Variants in PLS3 observed in about 807,000 individuals in gnomAD.
PLS3 encodes the protein plastin 3, also known as plastin-3.
In PLS3, 11 loss-of-function variants were observed where a neutral mutation model predicts 46.5. The ratio of observed to expected loss-of-function variants is 0.24; its 90% CI spans 0.15 to 0.39. The LOEUF (loss-of-function observed/expected upper bound fraction) is 0.39, where lower values mean the gene tolerates loss of function less well. PLS3 is among the 10% of genes least tolerant of loss of function. The pLI, the probability that PLS3 is intolerant of heterozygous loss-of-function variation, is 1.00. For synonymous variants in PLS3, 167 were observed against 162.2 expected, an observed-to-expected ratio of 1.03 and a Z score of -0.22; for missense variants, 308 against 461.8, an observed-to-expected ratio of 0.67 and a Z score of 3.05.
chrX:115,568,280 T>C (rs1405866030), intron 1 of PLS3, among the ~76,000 whole-genome samples: 2 of 111,942 alleles, frequency 1.8e-5, no homozygotes, highest in East Asian at 5.6e-4. Flanking sequence ...TGGGAAAGTG[T>C]CTTGTGTAGT....
intron 2 of PLS3, among the ~76,000 whole-genome samples, chrX:115,621,699 T>C (rs1345619062): frequency 3.6e-5 from 4 of 112,107 alleles, no homozygotes; most frequent in Admixed American, 2.9e-4. Flanking sequence ...CAGTAGTGCA[T>C]TTATTTTTAT....
At position 115,622,221 on chromosome X, in the gene PLS3, T is replaced by A. The variant is rs370195846; in HGVS notation, c.74-25T>A. 8.5e-6 allele frequency: 10 copies of A among 1,174,379 alleles called. No individual in the cohort carries two copies. In the Middle Eastern group the frequency reaches 7.0e-4, roughly 83 times the overall value. ...CTGTCTTTCAATTTTTTTTCCTTTT[T>A]TGCTTGCTCTCCTTTTTTACAAAGA... On this transcript the variant is annotated intron_variant, in intron 2 of 15. Coordinates refer to ENST00000355899, the MANE Select transcript of PLS3 (RefSeq NM_005032.7).
intron 1 of PLS3, among the ~76,000 whole-genome samples, chrX:115,569,879 GCA>G (rs2074202056): frequency 9.0e-6 from 1 of 111,723 alleles, no homozygotes; most frequent in Non-Finnish European, 1.9e-5. Context: ...ATGCTATGTT[GCA>G]CAGTCAGAAT....
intron 8 of PLS3, among the ~76,000 whole-genome samples, chrX:115,639,004 G>A (rs1288729208): frequency 3.6e-5 from 4 of 111,413 alleles, no homozygotes; most frequent in Admixed American, 1.9e-4. Context: ...ATGAGTCACC[G>A]CCCCCGGCCA....
intron 1 of PLS3, among the ~76,000 whole-genome samples, chrX:115,583,233 G>A (rs1484874619): frequency 8.9e-6 from 1 of 112,081 alleles, no homozygotes; most frequent in Admixed American, 9.5e-5. Context: ...AATACCAAAA[G>A]TATACACATG....
chrX:115,632,521 T>G (rs1247963880), intron 5 of PLS3, among the ~76,000 whole-genome samples: 1 of 111,113 alleles, frequency 9.0e-6, no homozygotes, highest in African/African-American at 3.3e-5. Context: ...TTTTACCAAA[T>G]GAGATTTTTC....
chrX:115,615,492 A>G (rs1475627773), intron 2 of PLS3, among the ~76,000 whole-genome samples: 13 of 85,231 alleles, frequency 1.5e-4, no homozygotes, highest in African/African-American at 7.0e-4. Context: ...GTCATCAGAG[A>G]GAGAGAGAGA....
chrX:115,620,499 C>T (rs1421530553), intron 2 of PLS3, among the ~76,000 whole-genome samples: 2 of 109,523 alleles, frequency 1.8e-5, no homozygotes, highest in Non-Finnish European at 3.8e-5. Flanking sequence ...GGTTACTCAA[C>T]TTCAGCACAA....
chrX:115,643,522 T>C lies in PLS3; in HGVS notation c.1183+14T>C, dbSNP rs1222814190. 21 of 1,023,550 alleles carry C rather than the reference T, an allele frequency of 2.1e-5. No individual in the cohort carries two copies. Among genetic ancestry groups the C allele is most frequent in the Non-Finnish European group, 2.5e-5 (18 of 727,977 alleles). 84.4% of individuals were successfully genotyped at this position (1,023,550 alleles called of 1,213,427 possible). ...CTCTATTAGAAGGTAACTAAAAACC[T>C]CAATTTCGAATGTGTGGGACTATAG... On this transcript the variant is annotated intron_variant, in intron 10 of 15. Coordinates refer to ENST00000355899, the MANE Select transcript of PLS3 (RefSeq NM_005032.7).
intron 1 of PLS3, among the ~76,000 whole-genome samples, chrX:115,570,816 G>A (rs191736359): frequency 9.2e-6 from 1 of 109,073 alleles, no homozygotes; most frequent in East Asian, 2.9e-4. Context: ...CATTGTGAAT[G>A]TGAAGGATTC....
intron 1 of PLS3, among the ~76,000 whole-genome samples, chrX:115,585,537 C>A (rs1357938297): frequency 3.7e-5 from 4 of 109,416 alleles, no homozygotes; most frequent in Non-Finnish European, 5.7e-5. Flanking sequence ...ATTACAGGCA[C>A]CCGCCACCAC....
At chrX:115,641,197 C>T (rs1209768961) in intron 9 of PLS3, among the ~76,000 whole-genome samples, 4 of 106,598 alleles carry the variant, frequency 3.8e-5, no homozygotes, top group Non-Finnish European at 7.7e-5. Flanking sequence ...GAGTGGATTA[C>T]ATTGGCTAAA....
chrX:115,624,311 G>A (rs2074689530), intron 3 of PLS3: 1 of 104,390 alleles, frequency 9.6e-6, no homozygotes, highest in Non-Finnish European at 1.9e-5. Context: ...TTGAAATACT[G>A]ATTTCCTCCC....
At position 115,566,477 on chromosome X, in the gene PLS3, C is replaced by T. The variant is rs956271044; in HGVS notation, c.-9+5217C>T. ...GATCTCGGCTCACTGCAAGCTCCTC[C>T]TCCCGGGTTCAGGCCATTCTCCTGC... is the stretch of plus-strand genomic sequence containing the variant. On this transcript the variant is annotated intron_variant, in intron 1 of 15. Transcript: ENST00000355899. 4.6e-5 allele frequency among the ~76,000 whole-genome samples: 5 copies of T among 108,904 alleles called. No homozygotes were observed. The East Asian group carries it at 1.2e-3, about 26-fold the overall frequency. 94.6% of individuals were successfully genotyped at this position (108,904 alleles called of 115,157 possible).
chrX:115,627,064 G>C (rs1239795468), intron 3 of PLS3, among the ~76,000 whole-genome samples: 2 of 109,721 alleles, frequency 1.8e-5, no homozygotes, highest in African/African-American at 6.6e-5. Context: ...GGCCAGGCTG[G>C]TCTTGAACTC....
intron 1 of PLS3, among the ~76,000 whole-genome samples, chrX:115,584,302 G>A (rs2074295323): frequency 8.9e-6 from 1 of 111,888 alleles, no homozygotes; most frequent in African/African-American, 3.2e-5. Context: ...GCCAGGCACT[G>A]TTCTATAAGC....
intron 1 of PLS3, among the ~76,000 whole-genome samples, chrX:115,566,027 C>G (rs1402328500): frequency 8.9e-6 from 1 of 112,233 alleles, no homozygotes; most frequent in East Asian, 2.8e-4. Flanking sequence ...CTGGGTTTCA[C>G]TTTATTTTTA....
chrX:115,640,225 G>T, intron 8 of PLS3, 183 bp from the exon 9 acceptor site: 2 of 711,049 alleles, frequency 2.8e-6, no homozygotes, highest in Non-Finnish European at 4.3e-6. Context: ...TCATCCATAT[G>T]CAAGACAGAT....
At position 115,597,457 on chromosome X, in the gene PLS3, A is replaced by G. The variant is rs955556957; in HGVS notation, c.-8-12786A>G. Among the ~76,000 whole-genome samples, 53 of 111,812 alleles carry G rather than the reference A, an allele frequency of 4.7e-4. No individual in the cohort carries two copies. In the Admixed American group the frequency reaches 5.0e-3, roughly 11 times the overall value. On this transcript the variant is annotated intron_variant, in intron 1 of 15. Coordinates refer to ENST00000355899, the MANE Select transcript of PLS3 (RefSeq NM_005032.7). Reference sequence around the variant, plus strand: ...AGGTTTTAGATATATCCAAGGCCGAATTATAGTTATTAGGTAGGCAGCTAC... The same window carrying G: ...AGGTTTTAGATATATCCAAGGCCGAGTTATAGTTATTAGGTAGGCAGCTAC...
Sources: gnomAD v4.1 joint callset for allele counts (sites outside exome capture counted in the v4.1 genomes callset) on GRCh38, gnomAD v4.1.1 for gene constraint, MANE v1.5 for transcripts, NCBI Gene and HGNC (gene_info 2026-07-23, HGNC 2026-07-21) for gene names.